Variants in ARHGAP12 observed in about 807,000 individuals in gnomAD.
The protein encoded by ARHGAP12 is Rho GTPase activating protein 12, also known as rho GTPase-activating protein 12.
Under a neutral mutation model 108.6 loss-of-function variants are expected in ARHGAP12, and 64 were observed. That is an observed-to-expected ratio of 0.59 (90% CI 0.48 to 0.73). The LOEUF is 0.73. Among genes scored for constraint, ARHGAP12 ranks in the 30% least tolerant of loss-of-function variants. The pLI is 0.00. For missense variants in ARHGAP12, 940 were observed against 1,005.9 expected, an observed-to-expected ratio of 0.93 and a Z score of 0.89; for synonymous variants, 312 against 337.2, an observed-to-expected ratio of 0.93 and a Z score of 0.82.
At chr10:31,895,166 T>C (rs1838625158) in intron 3 of ARHGAP12, among the ~76,000 whole-genome samples, 1 of 152,144 alleles carries the variant, frequency 6.6e-6, no homozygotes, top group East Asian at 1.9e-4. Flanking sequence ...ACTTAGGCAA[T>C]ACCATTCAGG....
intron 3 of ARHGAP12, among the ~76,000 whole-genome samples, chr10:31,903,288 G>T (rs974229125): frequency 6.6e-6 from 1 of 152,096 alleles, no homozygotes; most frequent in African/African-American, 2.4e-5. Flanking sequence ...GGAACAAAAT[G>T]GTAAGTATTT....
At chr10:31,897,435 G>A (rs1290213055) in intron 3 of ARHGAP12, among the ~76,000 whole-genome samples, 2 of 152,036 alleles carry the variant, frequency 1.3e-5, no homozygotes. Flanking sequence ...CACTCCAACA[G>A]GCCTCCAGTA....
intron 4 of ARHGAP12, among the ~76,000 whole-genome samples, chr10:31,859,989 C>T (rs1837055636): frequency 1.3e-5 from 2 of 152,030 alleles, no homozygotes; most frequent in Admixed American, 1.3e-4. Flanking sequence ...ACCATGTTGT[C>T]CAGGCTGGTT....
rs543149758 is a variant in ARHGAP12, at chr10:31,854,168, G to A, written c.987C>T (p.Tyr329=). ...SSEENYYSTS[Y]SQSDSQCGSP... ...AACCACACTGACTATCTGACTGGCT[G>A]TAAGAAGTGCTGTAGTAGTTTTCTT... The change falls in exon 5 of 20, where the codon TAC becomes TAT. Residue 329 remains tyrosine, a synonymous_variant. Coordinates refer to ENST00000344936, the MANE Select transcript of ARHGAP12 (RefSeq NM_018287.7). 4 of 1,613,278 alleles carry A rather than the reference G, an allele frequency of 2.5e-6. No homozygotes were observed. The South Asian group carries it at 3.3e-5, about 13-fold the overall frequency.
chr10:31,813,503 TA>T (rs1363702137), intron 14 of ARHGAP12, among the ~76,000 whole-genome samples: 1 of 152,108 alleles, frequency 6.6e-6, no homozygotes, highest in Non-Finnish European at 1.5e-5. Context: ...TAATATAGAA[TA>T]AAAAATAATC....
chr10:31,831,603 T>C (rs546769993), intron 10 of ARHGAP12, 136 bp downstream of exon 10: 216 of 532,226 alleles, frequency 4.1e-4, no homozygotes, highest in Non-Finnish European at 6.6e-4. Flanking sequence ...ATGACAATCT[T>C]ACATATATGA....
Position 31,810,636 on chromosome 10 carries a change from A to C in ARHGAP12, c.2050+13T>G. ...CTTAATGTTAAAAAAAAAAATCAAA[A>C]TCCTTCTCTTACCATGTTCTTCAAC... is the stretch of plus-strand genomic sequence containing the variant. On this transcript the variant is annotated intron_variant, in intron 16 of 19. Coordinates refer to ENST00000344936, the MANE Select transcript of ARHGAP12 (RefSeq NM_018287.7). 6.5e-7 allele frequency: 1 copy of C among 1,533,772 alleles called. No individual in the cohort carries two copies. The highest frequency in any genetic ancestry group is 8.8e-7 in the Non-Finnish European group (1 of 1,142,596).
chr10:31,808,715 T>A lies in ARHGAP12; in HGVS notation c.2300A>T (p.Asp767Val). Residue 767 changes from aspartate (D) to valine (V), a missense_variant, in exon 19 of 20, where the codon GAC (aspartate) becomes GTC (valine). Transcript: ENST00000344936. Reference protein sequence around the residue: ...EPRQRVAAVKDLIRQLPKPNQ... With the variant: ...EPRQRVAAVKVLIRQLPKPNQ... ...TGGCTTTGGCAACTGTCTGATTAGG[T>A]CCTTAACAGCAGCGACTCGCTGTCT... is the stretch of plus-strand genomic sequence containing the variant. The A allele has an allele frequency of 6.2e-7, 1 of 1,613,856 alleles. No individual in the cohort carries two copies. Among genetic ancestry groups the A allele is most frequent in the Non-Finnish European group, 8.5e-7 (1 of 1,179,776 alleles).
intron 3 of ARHGAP12, among the ~76,000 whole-genome samples, chr10:31,870,938 T>A (rs1223845127): frequency 3.3e-5 from 5 of 152,094 alleles, no homozygotes; most frequent in Non-Finnish European, 7.4e-5. Context: ...AGCTAGGCAG[T>A]AGATGAAAAT....
At chr10:31,924,062 T>C (rs1050881357) in intron 1 of ARHGAP12, among the ~76,000 whole-genome samples, 1 of 152,230 alleles carries the variant, frequency 6.6e-6, no homozygotes, top group Non-Finnish European at 1.5e-5. Flanking sequence ...ATGTTTTGTA[T>C]GGTAAAGATA....
chr10:31,910,279 A>G (rs1015124932), intron 2 of ARHGAP12, among the ~76,000 whole-genome samples: 4 of 152,208 alleles, frequency 2.6e-5, no homozygotes, highest in Admixed American at 2.6e-4. Context: ...TGCAAACCCA[A>G]GGTTCCATAA....
intron 1 of ARHGAP12, among the ~76,000 whole-genome samples, chr10:31,917,205 C>T (rs1235708353): frequency 1.3e-5 from 2 of 151,528 alleles, no homozygotes; most frequent in Admixed American, 6.6e-5. Context: ...GTCAGGAAAT[C>T]GAGACCATGC....
intron 1 of ARHGAP12, among the ~76,000 whole-genome samples, chr10:31,920,671 T>C (rs1008220286): frequency 1.6e-5 from 2 of 125,754 alleles, no homozygotes; most frequent in South Asian, 4.7e-4. Flanking sequence ...ATAAAGTTTT[T>C]GTTTTTGTTT....
At chr10:31,818,008 A>G in intron 12 of ARHGAP12, 122 bp from the exon 13 acceptor site, 1 of 690,872 alleles carries the variant, frequency 1.4e-6, no homozygotes, top group South Asian at 1.7e-5. Context: ...ATTATGTAAC[A>G]ATGATGCAAG....
rs888370254 is a variant in ARHGAP12, at chr10:31,831,633, T to C, written c.1448+106A>G. ...ATATGATTACATAGAAAACAAATGG[T>C]GAGAGATTCTTCAGCACCTATTGTT... is the stretch of plus-strand genomic sequence containing the variant. On this transcript the variant is annotated intron_variant, in intron 10 of 19. Transcript: ENST00000344936. The C allele has an allele frequency of 1.5e-5, 10 of 650,980 alleles. No homozygotes were observed. In the African/African-American group the frequency reaches 1.9e-4, roughly 12 times the overall value. 40.3% of individuals were successfully genotyped at this position (650,980 alleles called of 1,614,324 possible).
At chr10:31,894,259 A>T (rs1263125295) in intron 3 of ARHGAP12, among the ~76,000 whole-genome samples, 7 of 152,216 alleles carry the variant, frequency 4.6e-5, no homozygotes, top group Non-Finnish European at 1.0e-4. Flanking sequence ...GCAATCAGGC[A>T]GGAGAAAGAA....
chr10:31,872,630 C>T (rs1465549133), intron 3 of ARHGAP12, among the ~76,000 whole-genome samples: 4 of 152,138 alleles, frequency 2.6e-5, no homozygotes, highest in African/African-American at 9.7e-5. Flanking sequence ...TCTACTGCCC[C>T]CATTTCTTTG....
intron 3 of ARHGAP12, among the ~76,000 whole-genome samples, chr10:31,905,332 G>C (rs1839089434): frequency 6.6e-6 from 1 of 152,070 alleles, no homozygotes; most frequent in Non-Finnish European, 1.5e-5. Context: ...CTGGCCTCAA[G>C]TGATCCTCCC....
In ARHGAP12 at chr10:31,807,827, A is replaced by G. The variant is rs772125769; in HGVS notation, c.2372T>C (p.Ile791Thr). Residue 791 changes from isoleucine to threonine, a missense_variant, in exon 20 of 20, where the codon ATA becomes ACA. Ile to Thr is a moderately conservative substitution (Grantham distance 89, BLOSUM62 -1). Transcript: ENST00000344936. ...QILFRHLRRV[I>T]ENGEKNRMTY... ...CATTCGATTTTTCTCTCCATTTTCTATAACTCTGAAGGGAAAAAAAGAAGT... is the reference window on the plus strand; with the variant it reads ...CATTCGATTTTTCTCTCCATTTTCTGTAACTCTGAAGGGAAAAAAAGAAGT... 1.4e-5 allele frequency: 22 copies of G among 1,528,684 alleles called. No homozygotes were observed. In the East Asian group the frequency reaches 2.6e-4, roughly 18 times the overall value. The allele number at this position is 1,528,684 out of a possible 1,614,324, so 94.7% of individuals were successfully genotyped here. A position where few individuals can be genotyped will look rare whatever the true frequency, so the allele number is the denominator to read the frequency against.
Sources: gnomAD v4.1 joint callset for allele counts (sites outside exome capture counted in the v4.1 genomes callset) on GRCh38, gnomAD v4.1.1 for gene constraint, MANE v1.5 for transcripts, NCBI Gene and HGNC (gene_info 2026-07-23, HGNC 2026-07-21) for gene names.